The following CYP2C19 variants were observed in gnomAD, a reference collection of about 807,000 sequenced individuals.
CYP2C19 encodes cytochrome P450 family 2 subfamily C member 19.
A neutral mutation model predicts 40.9 loss-of-function variants in CYP2C19; 59 were observed. The ratio of observed to expected loss-of-function variants is 1.44; its 90% confidence interval spans 1.17 to 1.79. The LOEUF (loss-of-function observed/expected upper bound fraction) is 1.79. Among genes scored for constraint, CYP2C19 ranks in the 40% most tolerant of loss-of-function variants. The probability of loss-of-function intolerance (pLI) is 0.00; values close to 1 mark genes in which losing one functional copy is unlikely to be tolerated. For missense variants in CYP2C19, 754 were observed against 596.9 expected (o/e 1.26, Z -2.74); for synonymous variants, 253 against 208.7 (o/e 1.21, Z -1.83).
chr10:94,769,076 T>C (rs1221140020), intron 1 of CYP2C19, among the ~76,000 whole-genome samples: 2 of 152,158 alleles, frequency 1.3e-5, no homozygotes, highest in African/African-American at 4.8e-5. Context: ...TAGGCTGTAT[T>C]CATTCCTTGC....
chr10:94,800,539 A>C (rs1235561425), intron 5 of CYP2C19, among the ~76,000 whole-genome samples: 2 of 152,136 alleles, frequency 1.3e-5, no homozygotes, highest in African/African-American at 4.8e-5. Flanking sequence ...ATGGTGGGAG[A>C]AGCACTGCTC....
At chr10:94,846,586 G>T (rs754965220) in intron 7 of CYP2C19, among the ~76,000 whole-genome samples, 4 of 151,898 alleles carry the variant, frequency 2.6e-5, no homozygotes, top group Non-Finnish European at 5.9e-5. Flanking sequence ...TCCTTGCCTG[G>T]CCTGATGATC....
chr10:94,806,465 GA>G, intron 5 of CYP2C19, among the ~76,000 whole-genome samples: 1 of 151,858 alleles, frequency 6.6e-6, no homozygotes, highest in South Asian at 2.1e-4. Context: ...TCTAATTCTC[GA>G]ACGTCTTAAT....
chr10:94,785,704 G>C (rs1405162833), intron 5 of CYP2C19, among the ~76,000 whole-genome samples: 1 of 152,090 alleles, frequency 6.6e-6, no homozygotes, highest in African/African-American at 2.4e-5. Flanking sequence ...ATCATTGTCT[G>C]GCAAAGAGCA....
At chr10:94,764,657 C>T (rs1261257313) in intron 1 of CYP2C19, among the ~76,000 whole-genome samples, 5 of 152,038 alleles carry the variant, frequency 3.3e-5, no homozygotes, top group East Asian at 1.9e-4. Context: ...ACTCTTTAGG[C>T]CAGTGAAAGG....
At chr10:94,840,545 A>G (rs992952830) in intron 6 of CYP2C19, among the ~76,000 whole-genome samples, 1 of 152,216 alleles carries the variant, frequency 6.6e-6, no homozygotes, top group Non-Finnish European at 1.5e-5. Context: ...GGCAGGGATC[A>G]GAGGAAGTAG....
chr10:94,815,314 A>G (rs948504380), intron 5 of CYP2C19, among the ~76,000 whole-genome samples: 2 of 152,236 alleles, frequency 1.3e-5, no homozygotes, highest in Non-Finnish European at 2.9e-5. Flanking sequence ...TAACTACACA[A>G]TGTTTAACAT....
At chr10:94,811,531 T>A (rs530399516) in intron 5 of CYP2C19, among the ~76,000 whole-genome samples, 2 of 152,272 alleles carry the variant, frequency 1.3e-5, no homozygotes, top group Non-Finnish European at 2.9e-5. Context: ...TCTTTGTAGG[T>A]CTTTAAGAAC....
chr10:94,788,089 G>A (rs1380691484), intron 5 of CYP2C19, among the ~76,000 whole-genome samples: 4 of 148,698 alleles, frequency 2.7e-5, no homozygotes, highest in Admixed American at 2.7e-4. Flanking sequence ...TTGCCCCTTT[G>A]TTAGCTGTAT....
chr10:94,786,253 A>G (rs143139209), intron 5 of CYP2C19, among the ~76,000 whole-genome samples: 62 of 152,240 alleles, frequency 4.1e-4, no homozygotes, highest in South Asian at 1.2e-3. Flanking sequence ...TGGACAATCA[A>G]CTTTCCCATT....
intron 1 of CYP2C19, among the ~76,000 whole-genome samples, chr10:94,772,079 A>G (rs1848341349): frequency 1.3e-5 from 2 of 152,120 alleles, no homozygotes; most frequent in African/African-American, 2.4e-5. Flanking sequence ...TGTCCTATGA[A>G]GATGTTATGC....
intron 5 of CYP2C19, 56 bp from the exon 6 acceptor site, chr10:94,820,440 G>A: frequency 6.3e-7 from 1 of 1,594,336 alleles, no homozygotes; most frequent in East Asian, 2.2e-5. Context: ...TGAATTTACT[G>A]TCATCAAATA....
At chr10:94,786,843 A>AT (rs1247602152) in intron 5 of CYP2C19, among the ~76,000 whole-genome samples, 3 of 152,044 alleles carry the variant, frequency 2.0e-5, no homozygotes, top group East Asian at 1.9e-4. Context: ...CAAAGACATG[A>AT]TTTTTTTTAT....
intron 6 of CYP2C19, among the ~76,000 whole-genome samples, chr10:94,831,951 TG>T (rs1482550526): frequency 6.6e-6 from 1 of 152,244 alleles, no homozygotes; most frequent in African/African-American, 2.4e-5. Context: ...CCTGTGCTTG[TG>T]GGGTATTGCT....
chr10:94,811,208 TCC>T (rs1408035486), intron 5 of CYP2C19, among the ~76,000 whole-genome samples: 1 of 152,208 alleles, frequency 6.6e-6, no homozygotes, highest in Non-Finnish European at 1.5e-5. Flanking sequence ...AGTTTCTTAA[TCC>T]CGAGTTTTAA....
At chr10:94,781,455 C>T (rs1241002569) in intron 4 of CYP2C19, among the ~76,000 whole-genome samples, 2 of 152,056 alleles carry the variant, frequency 1.3e-5, no homozygotes, top group Non-Finnish European at 2.9e-5. Flanking sequence ...GTTGTGCAAA[C>T]TCTTTTAACC....
intron 5 of CYP2C19, among the ~76,000 whole-genome samples, chr10:94,813,865 C>T (rs959029231): frequency 4.6e-5 from 7 of 151,590 alleles, no homozygotes; most frequent in Non-Finnish European, 7.4e-5. Flanking sequence ...TTGGTGTCTG[C>T]CCAGATGACC....
chr10:94,816,391 A>G (rs982401052), intron 5 of CYP2C19, among the ~76,000 whole-genome samples: 2 of 152,104 alleles, frequency 1.3e-5, no homozygotes, highest in Non-Finnish European at 2.9e-5. Flanking sequence ...GAACAGTAGT[A>G]TCAAAAGTGA....
At chr10:94,823,878 C>G (rs1266145943) in intron 6 of CYP2C19, among the ~76,000 whole-genome samples, 3 of 152,226 alleles carry the variant, frequency 2.0e-5, no homozygotes, top group Admixed American at 2.0e-4. Flanking sequence ...TCATATAGGA[C>G]AATGAGAGTG....
Sources: gnomAD v4.1 joint callset for allele counts (sites outside exome capture counted in the v4.1 genomes callset) on GRCh38, gnomAD v4.1.1 for gene constraint, MANE v1.5 for transcripts, NCBI Gene and HGNC (gene_info 2026-07-23, HGNC 2026-07-21) for gene names.